The following SYCP3 variants were observed in gnomAD, a reference collection of about 807,000 sequenced individuals.
SYCP3 encodes synaptonemal complex protein 3.
A neutral mutation model predicts 38.5 loss-of-function variants in SYCP3; 29 were observed. The observed-to-expected ratio is 0.75, with a 90% CI of 0.56 to 1.03. The LOEUF (loss-of-function observed/expected upper bound fraction) is 1.03. SYCP3 is among the 50% of genes least tolerant of loss of function. The pLI is 0.00. For synonymous variants in SYCP3, 79 were observed against 80.3 expected, an observed-to-expected ratio of 0.98 and a Z score of 0.08; for missense variants, 242 against 270.7, an observed-to-expected ratio of 0.89 and a Z score of 0.74.
rs1952346781 is a variant in SYCP3 at position 101,734,975 on chromosome 12, G to C, written c.305C>G (p.Thr102Ser). ...LEMYTKASLKTSNQKIEHVWK... is the reference protein window; with the variant it reads ...LEMYTKASLKSSNQKIEHVWK... ...AACATGTTCAATTTTCTGGTTACTA[G>C]TTTTGAGAGAAGCCTTGGTATACAT... The change falls in exon 5 of 9, where the codon ACT becomes AGT. Residue 102 changes from threonine (T) to serine (S), a missense_variant. Coordinates refer to ENST00000392924, the MANE Select transcript of SYCP3 (RefSeq NM_001177949.2). The C allele has an allele frequency of 1.2e-6, 2 of 1,613,554 alleles. No individual in the cohort carries two copies. Among genetic ancestry groups the C allele is most frequent in the African/African-American group, 1.3e-5 (1 of 74,898 alleles).
At chr12:101,738,282 A>C (rs1208874354) in intron 1 of SYCP3, among the ~76,000 whole-genome samples, 1 of 145,646 alleles carries the variant, frequency 6.9e-6, no homozygotes, top group African/African-American at 2.6e-5. Flanking sequence ...AACAAAATTA[A>C]CCGGGCGTGG....
chr12:101,737,413 A>G (rs1051766786), intron 2 of SYCP3, 115 bp from the exon 3 acceptor site: 5 of 994,682 alleles, frequency 5.0e-6, no homozygotes, highest in Non-Finnish European at 3.0e-6. Flanking sequence ...GCCAACATAC[A>G]GTTTCAAAGC....
At position 101,737,893 on chromosome 12, in the gene SYCP3, G is replaced by T; in HGVS notation, c.43C>A (p.Pro15Thr). ...GKKYSRKSGK[P>T]SVEDQFTRAY... ...CTCGTAAACTGATCTTCCACAGACG[G>T]CTTCCCAGATTTCCTGGAATACTTT... Residue 15 changes from proline to threonine, a missense_variant, in exon 2 of 9, where the codon CCG (proline) becomes ACG (threonine). Physicochemically the swap from Pro to Thr is conservative, Grantham distance 38. Transcript: ENST00000392924. 6.2e-7 allele frequency: 1 copy of T among 1,614,126 alleles called. No individual in the cohort carries two copies.
At chr12:101,730,473 A>G (rs1952136986) in intron 7 of SYCP3, 1 of 422,290 alleles carries the variant, frequency 2.4e-6, no homozygotes, top group Non-Finnish European at 4.6e-6. Flanking sequence ...ACTTTTTAAA[A>G]TAACATGTGT....
chr12:101,734,864 A>T lies in SYCP3; in HGVS notation c.353+63T>A. 2.7e-6 allele frequency: 3 copies of T among 1,131,788 alleles called. No individual in the cohort carries two copies. In the East Asian group the frequency reaches 7.1e-5, roughly 27 times the overall value. 70.1% of individuals were successfully genotyped at this position (1,131,788 alleles called of 1,614,324 possible). On this transcript the variant is annotated intron_variant, in intron 5 of 8. Transcript: ENST00000392924. ...TGCCGATCCTAGAATAGTATTTTTCATAAGTAATTTATACCAGTAAATACT... is the reference window on the plus strand; with the variant it reads ...TGCCGATCCTAGAATAGTATTTTTCTTAAGTAATTTATACCAGTAAATACT...
At chr12:101,730,835 TTTAC>T (rs1255920002) in intron 7 of SYCP3, among the ~76,000 whole-genome samples, 1 of 152,198 alleles carries the variant, frequency 6.6e-6, no homozygotes, top group African/African-American at 2.4e-5. Flanking sequence ...ATTTTGCTAG[TTTAC>T]TTAGAGCATC....
intron 5 of SYCP3, among the ~76,000 whole-genome samples, chr12:101,734,076 A>AT (rs1479386797): frequency 2.6e-5 from 4 of 152,132 alleles, no homozygotes; most frequent in African/African-American, 9.7e-5. Context: ...AGTTCGCTTA[A>AT]TTTTTTTCCC....
intron 3 of SYCP3, 71 bp from the exon 4 acceptor site, chr12:101,737,142 C>A (rs1952481487): frequency 6.3e-7 from 1 of 1,599,886 alleles, no homozygotes; most frequent in Non-Finnish European, 8.6e-7. Context: ...GAAGAAATAC[C>A]AGATGCCAAG....
chr12:101,735,390 C>T (rs145001219), intron 4 of SYCP3, among the ~76,000 whole-genome samples: 15 of 152,190 alleles, frequency 9.9e-5, no homozygotes, highest in East Asian at 5.8e-4. Flanking sequence ...AGGCCAGACG[C>T]GGTGGCTCAC....
chr12:101,732,928 A>G (rs1952248494), intron 6 of SYCP3: 1 of 152,408 alleles, frequency 6.6e-6, no homozygotes, highest in Non-Finnish European at 1.5e-5. Context: ...TCGGCCTCCC[A>G]AAGTGCTGGG....
chr12:101,729,195 T>C lies in SYCP3; in HGVS notation c.571A>G (p.Lys191Glu). 1 of 1,613,078 alleles carries C rather than the reference T, an allele frequency of 6.2e-7. No individual in the cohort carries two copies. The highest frequency in any genetic ancestry group is 8.5e-7 in the Non-Finnish European group (1 of 1,179,522). ...QFIKSMEELE[K>E]NHDNLLTGAQ... ...CCAGTAAGTAGATTATCATGATTCT[T>C]CTCCAACTCTTCCATACTCTAAAAA... The change falls in exon 8 of 9, where the codon AAG (lysine) becomes GAG (glutamate). Residue 191 changes from lysine to glutamate, a missense_variant. Physicochemically the swap from Lys to Glu is moderately conservative, Grantham distance 56 (BLOSUM62 1). Coordinates refer to ENST00000392924, the MANE Select transcript of SYCP3 (RefSeq NM_001177949.2).
chr12:101,732,168 T>C (rs1245520897), intron 6 of SYCP3: 1 of 154,136 alleles, frequency 6.5e-6, no homozygotes, highest in Non-Finnish European at 1.4e-5. Flanking sequence ...ACAGCTACAA[T>C]TGCTCAAACA....
At chr12:101,735,871 A>ATATATATATATATATATTT in intron 4 of SYCP3, among the ~76,000 whole-genome samples, 2 of 74,754 alleles carry the variant, frequency 2.7e-5, no homozygotes, top group African/African-American at 1.3e-4. Flanking sequence ...ATATATATAT[A>ATATATATATATATATATTT]TTTTTTTTTT....
At position 101,728,815 on chromosome 12, in the gene SYCP3, T is replaced by C. The variant is rs1183925332; in HGVS notation, c.*112A>G. ...GGGAGGTCTTACAATGAAACAGGTT[T>C]ATGATTAAAGATGTTACAATTAAAC... On this transcript the variant is annotated 3_prime_UTR_variant, in exon 9 of 9. Transcript: ENST00000392924. The C allele has an allele frequency of 1.3e-6, 2 of 1,500,884 alleles. No individual in the cohort carries two copies. The highest frequency in any genetic ancestry group is 2.8e-5 in the African/African-American group (2 of 72,150). The allele number at this position is 1,500,884 out of a possible 1,614,324, so 93.0% of individuals were successfully genotyped here.
At chr12:101,738,502 C>T (rs1290324275) in intron 1 of SYCP3, among the ~76,000 whole-genome samples, 1 of 148,792 alleles carries the variant, frequency 6.7e-6, no homozygotes, top group Admixed American at 6.7e-5. Context: ...TTTGGGAGGC[C>T]GAGGTGGGTG....
At chr12:101,734,486 A>G (rs1007742059) in intron 5 of SYCP3, among the ~76,000 whole-genome samples, 2 of 152,234 alleles carry the variant, frequency 1.3e-5, no homozygotes, top group Admixed American at 6.5e-5. Context: ...TTAGGAAATA[A>G]TGTCAATTCT....
chr12:101,733,622 A>C lies in SYCP3; in HGVS notation c.406T>G (p.Trp136Gly). Residue 136 changes from tryptophan to glycine, a missense_variant, in exon 6 of 9, where the codon TGG (tryptophan) becomes GGG (glycine). By Grantham distance (184) the Trp-to-Gly change is radical. Transcript: ENST00000392924. Reference sequence around the variant, plus strand: ...TCAGCTTTCTGCATATCTAAATCCCACTGCTGAAACAAAGTCAGAAACTGC... The same window carrying C: ...TCAGCTTTCTGCATATCTAAATCCCCCTGCTGAAACAAAGTCAGAAACTGC... ...SQQFLTLFQQWDLDMQKAEEQ... is the reference protein window; with the variant it reads ...SQQFLTLFQQGDLDMQKAEEQ... 4.3e-6 allele frequency: 7 copies of C among 1,612,382 alleles called. No homozygotes were observed. Among genetic ancestry groups the C allele is most frequent in the Non-Finnish European group, 5.9e-6 (7 of 1,179,944 alleles).
chr12:101,734,989 C>G lies in SYCP3; in HGVS notation c.291G>C (p.Lys97Asn), dbSNP rs1443290958. ...TCTGGTTACTAGTTTTGAGAGAAGC[C>G]TTGGTATACATTTCTAGTCTCTTTC... ...AKRKRLEMYTKASLKTSNQKI... is the reference protein window; with the variant it reads ...AKRKRLEMYTNASLKTSNQKI... Residue 97 changes from lysine to asparagine, a missense_variant, in exon 5 of 9, where the codon AAG (lysine) becomes AAC (asparagine). Coordinates refer to ENST00000392924, the MANE Select transcript of SYCP3 (RefSeq NM_001177949.2). 10 of 1,613,594 alleles carry G rather than the reference C, an allele frequency of 6.2e-6. No homozygotes were observed. The highest frequency in any genetic ancestry group is 1.7e-5 in the Admixed American group (1 of 59,996).
rs770536245 is a variant in SYCP3 at position 101,735,049 on chromosome 12, A to T, written c.236-5T>A. The stretch of plus-strand genomic sequence containing the variant: ...GAAGAGCCTTGTTAATGTCAACTAG[A>T]TTGAAAATAAAAATTCATTAAAATT... On this transcript the variant is annotated splice_region_variant and splice_polypyrimidine_tract_variant and intron_variant, in intron 4 of 8. Transcript: ENST00000392924. 8 of 1,557,978 alleles carry T rather than the reference A, an allele frequency of 5.1e-6. No homozygotes were observed. The highest frequency in any genetic ancestry group is 8.8e-7 in the Non-Finnish European group (1 of 1,130,462).
Sources: allele counts gnomAD v4.1 joint callset (sites outside exome capture counted in the v4.1 genomes callset), GRCh38; gene constraint gnomAD v4.1.1; transcripts MANE v1.5; gene names NCBI Gene and HGNC (gene_info 2026-07-23, HGNC 2026-07-21).